Variants in COL4A4 observed in about 807,000 individuals in gnomAD.
COL4A4 encodes the protein collagen alpha-4(IV) chain.
In COL4A4, 105 loss-of-function variants were observed where a neutral mutation model predicts 192.9. The ratio of observed to expected loss-of-function variants is 0.54; its 90% CI spans 0.46 to 0.64. The LOEUF is 0.64. Among genes scored for constraint, COL4A4 ranks in the 30% least tolerant of loss-of-function variants. COL4A4 has a pLI of 0.00. For synonymous variants in COL4A4, 762 were observed against 769.9 expected, an observed-to-expected ratio of 0.99 and a Z score of 0.17; for missense variants, 1,967 against 2,169.3, an observed-to-expected ratio of 0.91 and a Z score of 1.85.
chr2:227,125,683 G>T (rs181779883), intron 4 of COL4A4, among the ~76,000 whole-genome samples: 1 of 152,146 alleles, frequency 6.6e-6, no homozygotes, highest in African/African-American at 2.4e-5. Flanking sequence ...CATTTGCGCA[G>T]GCTGTCCTGT....
chr2:226,980,964 T>G, the COL4A4 span, among the ~76,000 whole-genome samples: 1 of 152,200 alleles, frequency 6.6e-6, no homozygotes, highest in Non-Finnish European at 1.5e-5. Flanking sequence ...TTAAAATAAT[T>G]TCTGAGTTTA....
chr2:227,034,634 T>G, intron 37 of COL4A4, among the ~76,000 whole-genome samples: 2 of 150,954 alleles, frequency 1.3e-5, no homozygotes, highest in Admixed American at 6.6e-5. Flanking sequence ...GTTACATATG[T>G]ATACATGTGC....
downstream of COL4A4, among the ~76,000 whole-genome samples, chr2:227,000,519 A>G (rs1283363599): frequency 2.0e-5 from 3 of 152,224 alleles, no homozygotes; most frequent in African/African-American, 7.2e-5. Context: ...CTAAGTATAT[A>G]ATCACTGAGG....
intron 9 of COL4A4, among the ~76,000 whole-genome samples, chr2:227,111,184 G>A (rs2061185990): frequency 1.3e-5 from 2 of 152,148 alleles, no homozygotes; most frequent in Admixed American, 6.6e-5. Flanking sequence ...CACATTTACT[G>A]TTTAGTTTTG....
chr2:227,069,870 G>A (rs1251707409), intron 25 of COL4A4, among the ~76,000 whole-genome samples: 2 of 151,370 alleles, frequency 1.3e-5, no homozygotes, highest in South Asian at 2.1e-4. Context: ...TTGACAAATG[G>A]GATCTAATTA....
chr2:227,042,412 A>G (rs1971652238), intron 36 of COL4A4, among the ~76,000 whole-genome samples, 157 bp from the exon 37 acceptor site: 1 of 152,244 alleles, frequency 6.6e-6, no homozygotes, highest in South Asian at 2.1e-4. Flanking sequence ...AAATACATTT[A>G]AATTCAGGAG....
At chr2:227,009,625 G>T (rs572284561) in intron 46 of COL4A4, among the ~76,000 whole-genome samples, 1 of 151,918 alleles carries the variant, frequency 6.6e-6, no homozygotes, top group Non-Finnish European at 1.5e-5. Flanking sequence ...TCGAACCCTG[G>T]AGGTGGAGGT....
chr2:227,010,240 G>T, intron 46 of COL4A4, 73 bp downstream of exon 46: 1 of 1,446,574 alleles, frequency 6.9e-7, no homozygotes. Flanking sequence ...CATTTAAGGT[G>T]CTGATGAATC....
chr2:226,999,447 G>C (rs139295187), downstream of COL4A4, among the ~76,000 whole-genome samples: 3 of 152,300 alleles, frequency 2.0e-5, no homozygotes, highest in African/African-American at 7.2e-5. Context: ...ACACGACCAA[G>C]AAGTGTCACC....
At chr2:227,054,459 AC>A in intron 31 of COL4A4, 134 bp downstream of exon 31, 1 of 968,468 alleles carries the variant, frequency 1.0e-6, no homozygotes, top group East Asian at 2.5e-5. Context: ...AAATTCTAAA[AC>A]AAATACCATA....
chr2:226,987,726 A>G, the COL4A4 span, among the ~76,000 whole-genome samples: 1 of 152,196 alleles, frequency 6.6e-6, no homozygotes, highest in Non-Finnish European at 1.5e-5. Flanking sequence ...ATGAACCCAC[A>G]TCTGGTTGAA....
rs1043634922 is a variant in COL4A4 at position 227,046,964 on chromosome 2, CTTGAT to C, written c.3289+506_3289+510del. Among the ~76,000 whole-genome samples the C allele has an allele frequency of 1.2e-3, 178 of 152,068 alleles. 2 individuals carry two copies. The highest frequency in any genetic ancestry group is 4.1e-3 in the African/African-American group (169 of 41,370). On this transcript the variant is annotated intron_variant, in intron 35 of 47. Transcript: ENST00000396625. ...TTGTTGGTGATGAGGTTTATGTTTG[CTTGAT>C]TTGGTTTGATTTTTAGTAAATTAAA...
chr2:227,135,959 C>T (rs2062786185), intron 4 of COL4A4, among the ~76,000 whole-genome samples: 1 of 152,008 alleles, frequency 6.6e-6, no homozygotes, highest in South Asian at 2.1e-4. Context: ...ATTTTAGTTT[C>T]TTAATTTATG....
chr2:227,060,150 AT>A lies in COL4A4; in HGVS notation c.2149del (p.Ile717TyrfsTer36). Reference protein sequence around the residue: ...GRPGTPGTAEIPGPPGFRGDM... With the variant: ...GRPGTPGTAEXPGPPGFRGDM... ...ACCTCACTGACCAGGTGGACCTGGTATTTCCGCTGTTCCTGGTGTGCCAGGT... is the reference window on the plus strand; with the variant it reads ...ACCTCACTGACCAGGTGGACCTGGTATTCCGCTGTTCCTGGTGTGCCAGGT... On this transcript the variant is annotated frameshift_variant, in exon 27 of 48. Coordinates refer to ENST00000396625, the MANE Select transcript of COL4A4 (RefSeq NM_000092.5). LOFTEE classifies it high-confidence loss of function. 1 of 1,442,006 alleles carries A rather than the reference AT, an allele frequency of 6.9e-7. No homozygotes were observed. The highest frequency in any genetic ancestry group is 9.6e-7 in the Non-Finnish European group (1 of 1,045,594). The allele number at this position is 1,442,006 out of a possible 1,614,324, so 89.3% of individuals were successfully genotyped here. A position where few individuals can be genotyped will look rare whatever the true frequency, so the allele number is the denominator to read the frequency against.
chr2:227,077,525 A>T (rs1429812606), intron 25 of COL4A4, among the ~76,000 whole-genome samples: 2 of 152,154 alleles, frequency 1.3e-5, no homozygotes, highest in Non-Finnish European at 2.9e-5. Flanking sequence ...GGAGAGCATT[A>T]GGACAAATAC....
At chr2:227,094,405 G>A in intron 19 of COL4A4, 116 bp from the exon 20 acceptor site, 1 of 1,006,466 alleles carries the variant, frequency 9.9e-7, no homozygotes. Context: ...AAGGGAAAGA[G>A]ACGGAGCTGG....
chr2:227,164,358 C>A, upstream of COL4A4: 1 of 375,120 alleles, frequency 2.7e-6, no homozygotes, highest in Non-Finnish European at 4.9e-6. The surrounding 1 kb of genome is among the most constrained non-coding windows in gnomAD (Gnocchi z 4.8). Flanking sequence ...CCGCCTGGGC[C>A]CCCGGACCTT....
chr2:226,988,262 C>T, the COL4A4 span: 49 of 1,450,520 alleles, frequency 3.4e-5, no homozygotes, highest in Non-Finnish European at 4.5e-5. Context: ...ATATCAGGGC[C>T]CTGAGGAGGC....
In COL4A4 at chr2:227,111,332, T is replaced by C. The variant is rs549227588; in HGVS notation, c.594+346A>G. 9.1e-4 allele frequency among the ~76,000 whole-genome samples: 138 copies of C among 152,184 alleles called. 1 individual carries two copies. The highest frequency in any genetic ancestry group is 1.9e-3 in the Non-Finnish European group (131 of 68,036). ...TATTCTAGCTGGTATATATTATACA[T>C]GTAGTTGCTAAGTGGACTCACTTTC... On this transcript the variant is annotated intron_variant, in intron 9 of 47. Transcript: ENST00000396625.
Sources: allele counts gnomAD v4.1 joint callset (sites outside exome capture counted in the v4.1 genomes callset), GRCh38; gene constraint gnomAD v4.1.1; non-coding constraint Gnocchi (gnomAD v3.1); transcripts MANE v1.5; gene names NCBI Gene and HGNC (gene_info 2026-07-23, HGNC 2026-07-21).